Variants in CCDC158 observed in about 807,000 individuals in gnomAD.
CCDC158 encodes the protein coiled-coil domain containing 158, also known as coiled-coil domain-containing protein 158.
Under a neutral mutation model 138.6 loss-of-function variants are expected in CCDC158, and 116 were observed. The observed-to-expected ratio is 0.84, with a 90% CI of 0.72 to 0.98. The LOEUF is 0.98. CCDC158 is among the 50% of genes least tolerant of loss of function. The probability of loss-of-function intolerance (pLI) is 0.00; values close to 1 mark genes in which losing one functional copy is unlikely to be tolerated. For synonymous variants in CCDC158, 436 were observed against 442.4 expected, an observed-to-expected ratio of 0.99 and a Z score of 0.18; for missense variants, 1,265 against 1,306.1, an observed-to-expected ratio of 0.97 and a Z score of 0.48.
intron 1 of CCDC158, among the ~76,000 whole-genome samples, 35 bp downstream of exon 1, chr4:76,420,930 C>A (rs1303798897): frequency 6.6e-6 from 1 of 152,206 alleles, no homozygotes; most frequent in African/African-American, 2.4e-5. Flanking sequence ...TCCCACCCCA[C>A]CATCCTCGTC....
Position 76,396,352 on chromosome 4 carries a change from G to T in CCDC158, c.205C>A (p.Pro69Thr), listed in dbSNP as rs749241147. The T allele has an allele frequency of 1.2e-6, 2 of 1,613,764 alleles. No homozygotes were observed. The highest frequency in any genetic ancestry group is 2.7e-5 in the African/African-American group (2 of 74,888). ...VELDSPRKII[P>T]SPGKEHFERV... ...TCAAAGTGTTCCTTTCCAGGAGATG[G>T]GATGATTTTTCTAGGAGAATCAAGT... The change falls in exon 4 of 25, where the codon CCA becomes ACA. Residue 69 changes from proline to threonine, a missense_variant. Pro to Thr is a conservative substitution (Grantham distance 38, BLOSUM62 -1). Transcript: ENST00000682701.
intron 4 of CCDC158, among the ~76,000 whole-genome samples, chr4:76,391,428 C>T (rs1023405827): frequency 2.6e-5 from 4 of 151,814 alleles, no homozygotes; most frequent in Admixed American, 2.0e-4. Context: ...CCTAAATGAC[C>T]AGTGAGTCAA....
intron 16 of CCDC158, 83 bp downstream of exon 16, chr4:76,353,040 C>A: frequency 8.7e-7 from 1 of 1,148,260 alleles, no homozygotes; most frequent in Non-Finnish European, 1.2e-6. Context: ...TTCCTGTCTA[C>A]ATAGAGCTTT....
chr4:76,400,616 A>G (rs1728283927), intron 3 of CCDC158, among the ~76,000 whole-genome samples: 1 of 152,030 alleles, frequency 6.6e-6, no homozygotes, highest in Non-Finnish European at 1.5e-5. Flanking sequence ...CCCAAAAAAA[A>G]GAATGGTGTG....
intron 18 of CCDC158, among the ~76,000 whole-genome samples, chr4:76,339,774 G>C (rs192816870): frequency 4.6e-5 from 7 of 152,350 alleles, no homozygotes; most frequent in African/African-American, 1.7e-4. Flanking sequence ...CTTCCATAGA[G>C]AGATGCTGGC....
At chr4:76,402,153 T>C (rs1728450409) in intron 3 of CCDC158, 1 of 152,044 alleles carries the variant, frequency 6.6e-6, no homozygotes, top group African/African-American at 2.4e-5. Context: ...AGATAGACCA[T>C]TAAATTGAAA....
At chr4:76,315,622 T>C (rs2110056236) in intron 24 of CCDC158, among the ~76,000 whole-genome samples, 1 of 152,354 alleles carries the variant, frequency 6.6e-6, no homozygotes, top group East Asian at 1.9e-4. Flanking sequence ...GTACTAAGTC[T>C]GTCCATGTGA....
intron 18 of CCDC158, chr4:76,344,411 T>C: frequency 1.7e-6 from 1 of 599,126 alleles, no homozygotes; most frequent in Admixed American, 2.8e-5. Context: ...CTGGTGGTAT[T>C]GTCTTGTGCC....
chr4:76,336,462 G>A (rs999281987), intron 18 of CCDC158, among the ~76,000 whole-genome samples: 21 of 152,068 alleles, frequency 1.4e-4, no homozygotes, highest in Admixed American at 1.3e-3. Context: ...AAATCATTTG[G>A]TTCTAGTCCA....
chr4:76,402,892 A>AG (rs1174701550), intron 3 of CCDC158, among the ~76,000 whole-genome samples: 2 of 152,258 alleles, frequency 1.3e-5, no homozygotes, highest in African/African-American at 4.8e-5. Flanking sequence ...AGAAGGCATT[A>AG]GGGAGGCATG....
chr4:76,382,119 G>T (rs749457286), intron 8 of CCDC158, among the ~76,000 whole-genome samples: 1 of 152,194 alleles, frequency 6.6e-6, no homozygotes, highest in Non-Finnish European at 1.5e-5. Flanking sequence ...TGCTTTTCCC[G>T]TGATAGCGAG....
chr4:76,336,773 AAAATTCTGAGC>A (rs1721551731), intron 18 of CCDC158, among the ~76,000 whole-genome samples: 1 of 152,198 alleles, frequency 6.6e-6, no homozygotes, highest in African/African-American at 2.4e-5. Context: ...TGTTCTCAGG[AAAATTCTGAGC>A]AGAGCAGAGA....
intron 18 of CCDC158, among the ~76,000 whole-genome samples, chr4:76,337,950 G>A (rs532286560): frequency 1.3e-5 from 2 of 152,250 alleles, no homozygotes; most frequent in South Asian, 4.2e-4. Context: ...GAGGAATGGG[G>A]CCACACAGCA....
At chr4:76,403,017 A>G in intron 3 of CCDC158, 121 bp downstream of exon 3, 2 of 670,840 alleles carry the variant, frequency 3.0e-6, no homozygotes, top group South Asian at 3.5e-5. Context: ...TATGGTAGAC[A>G]TTCATGATCA....
At chr4:76,313,806 A>G (rs1299927328) in intron 24 of CCDC158, among the ~76,000 whole-genome samples, 1 of 152,204 alleles carries the variant, frequency 6.6e-6, no homozygotes, top group Non-Finnish European at 1.5e-5. Flanking sequence ...TCTTTACACA[A>G]ATGAAAACAT....
At chr4:76,369,398 C>T (rs1231445053) in intron 11 of CCDC158, 28 bp downstream of exon 11, 9 of 1,602,982 alleles carry the variant, frequency 5.6e-6, no homozygotes, top group African/African-American at 1.3e-5. Context: ...GATTGTTTGG[C>T]GATGGCACAG....
intron 24 of CCDC158, among the ~76,000 whole-genome samples, chr4:76,313,713 G>T (rs1417136089): frequency 6.6e-6 from 1 of 152,204 alleles, no homozygotes; most frequent in Non-Finnish European, 1.5e-5. Flanking sequence ...CAATCTGCTG[G>T]AATCTGCCTC....
At chr4:76,406,138 A>G (rs576464543) in intron 2 of CCDC158, among the ~76,000 whole-genome samples, 2 of 152,336 alleles carry the variant, frequency 1.3e-5, no homozygotes, top group South Asian at 4.1e-4. Flanking sequence ...GACTAAAAAT[A>G]AAAGGATGAA....
intron 24 of CCDC158, among the ~76,000 whole-genome samples, chr4:76,315,217 G>A (rs1187211263): frequency 1.3e-5 from 2 of 152,088 alleles, no homozygotes; most frequent in Non-Finnish European, 2.9e-5. Flanking sequence ...TAACTCCACT[G>A]GCCCAAGAAC....
Sources: gnomAD v4.1 joint callset for allele counts (sites outside exome capture counted in the v4.1 genomes callset) on GRCh38, gnomAD v4.1.1 for gene constraint, MANE v1.5 for transcripts, NCBI Gene and HGNC (gene_info 2026-07-23, HGNC 2026-07-21) for gene names.